Variants in HEG1 observed in about 807,000 individuals in gnomAD.
The protein encoded by HEG1 is heart development protein with EGF like domains 1, also known as protein HEG homolog 1.
In HEG1, 56 loss-of-function variants were observed where a neutral mutation model predicts 125.6. The ratio of observed to expected loss-of-function variants is 0.45; its 90% confidence interval spans 0.36 to 0.56. The LOEUF is 0.56. HEG1 is among the 20% of genes least tolerant of loss of function. The pLI, the probability that HEG1 is intolerant of heterozygous loss-of-function variation, is 0.00. For missense variants in HEG1, 1,523 were observed against 1,670.0 expected (o/e 0.91, Z 1.53); for synonymous variants, 644 against 668.5 (o/e 0.96, Z 0.57).
chr3:125,033,202 A>C (rs1328853046), intron 1 of HEG1, among the ~76,000 whole-genome samples: 1 of 152,238 alleles, frequency 6.6e-6, no homozygotes, highest in Non-Finnish European at 1.5e-5. Flanking sequence ...AAGTAAGTAA[A>C]GAATCAAATC....
At position 125,055,638 on chromosome 3, in the gene HEG1, G is replaced by A; in HGVS notation, c.253C>T (p.Pro85Ser). 1.7e-6 allele frequency: 2 copies of A among 1,196,814 alleles called. No homozygotes were observed. The highest frequency in any genetic ancestry group is 2.1e-6 in the Non-Finnish European group (2 of 965,258). 74.1% of individuals were successfully genotyped at this position (1,196,814 alleles called of 1,614,324 possible). The part of the protein sequence containing the change: ...PATPGPSYRA[P>S]EPGAATQRGP... ...CGCTGTGTCGCGGCGCCTGGCTCAG[G>A]GGCCCTGTAGCTGGGGCCGGGGGTC... The change falls in exon 1 of 17, where the codon CCT becomes TCT. Residue 85 changes from proline (P) to serine (S), a missense_variant. Pro to Ser is a moderately conservative substitution (Grantham distance 74). Coordinates refer to ENST00000311127, the MANE Select transcript of HEG1 (RefSeq NM_020733.2).
At chr3:125,012,129 C>G (rs80344015) in intron 6 of HEG1, among the ~76,000 whole-genome samples, 2 of 152,210 alleles carry the variant, frequency 1.3e-5, no homozygotes, top group Admixed American at 1.3e-4. Flanking sequence ...AGCCCAGTGA[C>G]GCCAAGAAGC....
intron 1 of HEG1, among the ~76,000 whole-genome samples, chr3:125,030,552 C>G (rs995111521): frequency 2.0e-5 from 3 of 152,138 alleles, no homozygotes; most frequent in Non-Finnish European, 4.4e-5. Flanking sequence ...TAAAGATATT[C>G]TTCAGGGATT....
chr3:125,042,757 G>T (rs1937604577), intron 1 of HEG1, among the ~76,000 whole-genome samples: 2 of 152,178 alleles, frequency 1.3e-5, no homozygotes, highest in Admixed American at 1.3e-4. Flanking sequence ...TTCCACCAAG[G>T]GTCCTCCGGA....
chr3:125,023,737 T>C (rs1015115212), intron 3 of HEG1, among the ~76,000 whole-genome samples: 22 of 152,234 alleles, frequency 1.4e-4, no homozygotes, highest in African/African-American at 2.2e-4. Flanking sequence ...TTCTTGCTCA[T>C]TTCTACCCCG....
Position 125,055,713 on chromosome 3 carries a change from G to A in HEG1, c.178C>T (p.Pro60Ser), listed in dbSNP as rs1427332253. Residue 60 changes from proline (P) to serine (S), a missense_variant, in exon 1 of 17, where the codon CCG becomes TCG. Physicochemically the swap from Pro to Ser is moderately conservative, Grantham distance 74 (BLOSUM62 -1). Transcript: ENST00000311127. ...GGCGTGGGCGGCGGCTCGCGCTCCG[G>A]GCGGCGCTCCAGCTGCAGCTCCAGC... ...AGLELQLERR[P>S]EREPPPTPPR... The A allele has an allele frequency of 9.4e-7, 1 of 1,067,278 alleles. No homozygotes were observed. Among genetic ancestry groups the A allele is most frequent in the South Asian group, 4.4e-5 (1 of 22,928 alleles). The allele number at this position is 1,067,278 out of a possible 1,614,324, so 66.1% of individuals were successfully genotyped here. A position where few individuals can be genotyped will look rare whatever the true frequency, so the allele number is the denominator to read the frequency against.
At chr3:125,005,825 C>T (rs1937063705) in intron 8 of HEG1, among the ~76,000 whole-genome samples, 1 of 152,202 alleles carries the variant, frequency 6.6e-6, no homozygotes, top group Non-Finnish European at 1.5e-5. Flanking sequence ...GGAAAGCTCT[C>T]GTCCTCTGAG....
intron 4 of HEG1, among the ~76,000 whole-genome samples, chr3:125,019,896 C>T (rs1560027900): frequency 6.6e-6 from 1 of 152,018 alleles, no homozygotes; most frequent in Admixed American, 6.5e-5. Context: ...AAAAAGTGTT[C>T]GAGAGAGTGA....
In HEG1 at chr3:124,969,334, G is replaced by C. The variant is rs987912600; in HGVS notation, c.*1318C>G. The C allele has an allele frequency of 6.6e-6, 1 of 152,142 alleles. No homozygotes were observed. Among genetic ancestry groups the C allele is most frequent in the Non-Finnish European group, 1.5e-5 (1 of 68,028 alleles). The allele number at this position is 152,142 out of a possible 1,614,324, so 9.4% of individuals were successfully genotyped here. A position where few individuals can be genotyped will look rare whatever the true frequency, so the allele number is the denominator to read the frequency against. On this transcript the variant is annotated 3_prime_UTR_variant, in exon 17 of 17. Coordinates refer to ENST00000311127, the MANE Select transcript of HEG1 (RefSeq NM_020733.2). Reference sequence around the variant, plus strand: ...ATAAGATGAGTGGAACTTCCTTCCCGAAGGTCAACCCTCAGTTCCTCGACC... The same window carrying C: ...ATAAGATGAGTGGAACTTCCTTCCCCAAGGTCAACCCTCAGTTCCTCGACC...
intron 15 of HEG1, among the ~76,000 whole-genome samples, chr3:124,975,918 CA>C (rs1936527520): frequency 6.6e-6 from 1 of 152,170 alleles, no homozygotes; most frequent in South Asian, 2.1e-4. Context: ...TTTGTTTATC[CA>C]TTGACAAACA....
intron 15 of HEG1, among the ~76,000 whole-genome samples, chr3:124,977,547 C>T (rs1936569002): frequency 1.3e-5 from 2 of 152,170 alleles, no homozygotes; most frequent in African/African-American, 4.8e-5. Context: ...TTTTCACTTT[C>T]TTGATAGTGT....
At chr3:124,998,506 C>T (rs939189646) in intron 11 of HEG1, among the ~76,000 whole-genome samples, 6 of 152,198 alleles carry the variant, frequency 3.9e-5, no homozygotes, top group Non-Finnish European at 7.3e-5. Context: ...ATCTCTGGGT[C>T]TTCAGTGCCT....
At chr3:125,048,389 T>G (rs79408066) in intron 1 of HEG1, among the ~76,000 whole-genome samples, 16,361 of 152,188 alleles carry the variant, frequency 0.11, 1,003 homozygotes, top group Middle Eastern at 0.18. Flanking sequence ...CCCTGGGTGA[T>G]CCAGACACCC....
chr3:125,034,725 G>A (rs1003930193), intron 1 of HEG1, among the ~76,000 whole-genome samples: 2 of 152,082 alleles, frequency 1.3e-5, no homozygotes, highest in Non-Finnish European at 2.9e-5. Context: ...GCTTGAGCCC[G>A]AGACATGGAG....
chr3:125,054,548 A>T (rs1209175720), intron 1 of HEG1, among the ~76,000 whole-genome samples: 1 of 152,174 alleles, frequency 6.6e-6, no homozygotes, highest in Non-Finnish European at 1.5e-5. Flanking sequence ...GCAGACAAAA[A>T]ACTCAACTTT....
Position 124,973,730 on chromosome 3 carries a change from C to T in HEG1, c.3996+1G>A. ...GGTCATCCTGACACAGGAATACACA[C>T]CGAGTAGTACACATCCGTCATCTGG... On this transcript the variant is annotated splice_donor_variant, in intron 16 of 16. Transcript: ENST00000311127. LOFTEE classifies it high-confidence loss of function. The T allele has an allele frequency of 2.5e-6, 4 of 1,607,746 alleles. No homozygotes were observed. Among genetic ancestry groups the T allele is most frequent in the Non-Finnish European group, 3.4e-6 (4 of 1,177,034 alleles).
rs1317281016 is a variant in HEG1, at chr3:124,966,854, A to G, written c.*3798T>C. 6.6e-6 allele frequency: 1 copy of G among 152,246 alleles called. No individual in the cohort carries two copies. The highest frequency in any genetic ancestry group is 1.5e-5 in the Non-Finnish European group (1 of 68,066). 9.4% of individuals were successfully genotyped at this position (152,246 alleles called of 1,614,324 possible). A position where few individuals can be genotyped will look rare whatever the true frequency, so the allele number is the denominator to read the frequency against. On this transcript the variant is annotated 3_prime_UTR_variant, in exon 17 of 17. Coordinates refer to ENST00000311127, the MANE Select transcript of HEG1 (RefSeq NM_020733.2). ...GGCAACACAGTTTCATGCAGGCACC[A>G]AAAAGCCACACGTGGTGGGTGACCC...
chr3:125,022,007 A>G (rs1217880740), intron 3 of HEG1, among the ~76,000 whole-genome samples: 1 of 152,218 alleles, frequency 6.6e-6, no homozygotes, highest in African/African-American at 2.4e-5. Context: ...GGAGTGAATC[A>G]GACGCTATTG....
chr3:125,037,030 T>C (rs1334383724), intron 1 of HEG1, among the ~76,000 whole-genome samples: 1 of 152,204 alleles, frequency 6.6e-6, no homozygotes, highest in Non-Finnish European at 1.5e-5. Context: ...TTTATAATAA[T>C]GAAAAGTGGA....
Sources: gnomAD v4.1 joint callset for allele counts (sites outside exome capture counted in the v4.1 genomes callset) on GRCh38, gnomAD v4.1.1 for gene constraint, MANE v1.5 for transcripts, NCBI Gene and HGNC (gene_info 2026-07-23, HGNC 2026-07-21) for gene names.